The following ZFR2 variants were observed in gnomAD, a reference collection of about 807,000 sequenced individuals.
The protein encoded by ZFR2 is zinc finger RNA-binding protein 2.
ZFR2 carries 104 observed loss-of-function variants against 105.7 expected under a neutral mutation model. The observed-to-expected ratio is 0.98, with a 90% CI of 0.84 to 1.16. The LOEUF (loss-of-function observed/expected upper bound fraction) is 1.16, where lower values mean the gene tolerates loss of function less well. Ranked by LOEUF, ZFR2 falls within the 50% of genes most tolerant of loss-of-function variation. ZFR2 has a pLI of 0.00. For synonymous variants in ZFR2, 634 were observed against 597.7 expected (o/e 1.06, Z -0.89); for missense variants, 1,425 against 1,355.5 (o/e 1.05, Z -0.80).
At chr19:3,847,182 C>T (rs2038192713) in intron 1 of ZFR2, among the ~76,000 whole-genome samples, 1 of 152,186 alleles carries the variant, frequency 6.6e-6, no homozygotes, top group Non-Finnish European at 1.5e-5. Flanking sequence ...GGGCGGCACA[C>T]ACAGCAGGTG....
chr19:3,835,275 C>A (rs1412331799), intron 1 of ZFR2, among the ~76,000 whole-genome samples: 2 of 152,158 alleles, frequency 1.3e-5, no homozygotes, highest in African/African-American at 4.8e-5. Context: ...TGCAGATGAT[C>A]TACTTGTGTG....
At chr19:3,857,304 A>C (rs1386319449) in intron 1 of ZFR2, among the ~76,000 whole-genome samples, 8 of 151,964 alleles carry the variant, frequency 5.3e-5, no homozygotes, top group Admixed American at 5.3e-4. Context: ...GCAAGCAAAA[A>C]GCTCACTGCA....
At position 3,833,726 on chromosome 19, in the gene ZFR2, G is replaced by A. The variant is rs1273722561; in HGVS notation, c.317C>T (p.Pro106Leu). ...CTGGAGGGCAGCAGACTGGAAGTAC[G>A]GCCTGTCCTCATAGCTCCTGGCAGC... ...SAAARSYEDR[P>L]YFQSAALQSG... Residue 106 changes from proline (P) to leucine (L), a missense_variant, in exon 3 of 19, where the codon CCG (proline) becomes CTG (leucine). Coordinates refer to ENST00000262961, the MANE Select transcript of ZFR2 (RefSeq NM_015174.2). The A allele has an allele frequency of 4.4e-6, 7 of 1,582,966 alleles. No individual in the cohort carries two copies. Among genetic ancestry groups the A allele is most frequent in the South Asian group, 1.2e-5 (1 of 86,530 alleles).
intron 1 of ZFR2, chr19:3,852,365 C>A: frequency 1.5e-6 from 1 of 655,756 alleles, no homozygotes; most frequent in East Asian, 2.7e-5. Context: ...GGCTGGGCTT[C>A]TCTGCCCCTG....
chr19:3,808,835 C>T (rs1316239890), intron 17 of ZFR2, 37 bp downstream of exon 17: 3 of 1,496,538 alleles, frequency 2.0e-6, no homozygotes, highest in South Asian at 2.5e-5. Flanking sequence ...CTGCGATTTG[C>T]CGCCCACCTC....
intron 1 of ZFR2, among the ~76,000 whole-genome samples, chr19:3,851,294 A>T (rs2038235287): frequency 6.6e-6 from 1 of 152,186 alleles, no homozygotes; most frequent in African/African-American, 2.4e-5. Context: ...AGCTCTCAGC[A>T]GTGTAGGGCT....
intron 17 of ZFR2, 100 bp downstream of exon 17, chr19:3,808,772 T>A (rs2037730245): frequency 9.9e-7 from 1 of 1,011,838 alleles, no homozygotes; most frequent in Non-Finnish European, 1.4e-6. Flanking sequence ...GCTGGACACT[T>A]CCTCTGTGTC....
rs570148672 is a variant in ZFR2, at chr19:3,852,786, G to A, written c.53+16179C>T. Among the ~76,000 whole-genome samples the A allele has an allele frequency of 9.1e-4, 139 of 152,292 alleles. 1 individual carries two copies. The highest frequency in any genetic ancestry group is 3.4e-3 in the Middle Eastern group (1 of 294). On this transcript the variant is annotated intron_variant, in intron 1 of 18. Transcript: ENST00000262961. ...TGACTCATCCAGACACCAAAACCAAGGCAGCCCAGGGCAGTGGTTCTCAAA... is the reference window on the plus strand; with the variant it reads ...TGACTCATCCAGACACCAAAACCAAAGCAGCCCAGGGCAGTGGTTCTCAAA...
intron 1 of ZFR2, among the ~76,000 whole-genome samples, chr19:3,840,559 T>G (rs1003700897): frequency 2.6e-5 from 4 of 152,072 alleles, no homozygotes; most frequent in Admixed American, 2.6e-4. Flanking sequence ...ATATGAGGTC[T>G]TGCTCTGTCG....
chr19:3,826,718 G>A (rs1011395698), intron 6 of ZFR2, among the ~76,000 whole-genome samples: 2 of 151,780 alleles, frequency 1.3e-5, no homozygotes, highest in Admixed American at 6.6e-5. Flanking sequence ...GATTACAGGC[G>A]TGAGGCACCA....
At position 3,825,359 on chromosome 19, in the gene ZFR2, G is replaced by A. The variant is rs373158473; in HGVS notation, c.1084C>T (p.Pro362Ser). ...KLGKPIPTLE[P>S]ALATESPPGA... ...GGGGGGCTCTCTGTGGCCAGTGCAG[G>A]CTCGAGGGTGGGAATGGGCTTCCCC... Residue 362 changes from proline to serine, a missense_variant, in exon 7 of 19, where the codon CCT (proline) becomes TCT (serine). Coordinates refer to ENST00000262961, the MANE Select transcript of ZFR2 (RefSeq NM_015174.2). 2.5e-6 allele frequency: 4 copies of A among 1,591,912 alleles called. No individual in the cohort carries two copies. The highest frequency in any genetic ancestry group is 2.7e-5 in the African/African-American group (2 of 74,498).
Position 3,834,131 on chromosome 19 carries a change from G to C in ZFR2, c.265-353C>G, listed in dbSNP as rs1021563065. Among the ~76,000 whole-genome samples, 2 of 152,208 alleles carry C rather than the reference G, an allele frequency of 1.3e-5. No individual in the cohort carries two copies. The highest frequency in any genetic ancestry group is 1.3e-4 in the Admixed American group (2 of 15,276). The stretch of plus-strand genomic sequence containing the variant: ...AGAGGGGAGGAAGAGGGTGGGGTCA[G>C]GTGGGTGCTGAGCTTGAGTGACAGG... On this transcript the variant is annotated intron_variant, in intron 2 of 18. Coordinates refer to ENST00000262961, the MANE Select transcript of ZFR2 (RefSeq NM_015174.2). The surrounding 1 kb of genome is among the most constrained non-coding windows in gnomAD (Gnocchi z 5.3).
chr19:3,831,287 C>G lies in ZFR2; in HGVS notation c.852+16G>C. On this transcript the variant is annotated intron_variant, in intron 5 of 18. Transcript: ENST00000262961. The stretch of plus-strand genomic sequence containing the variant: ...AGAGGTCCCTGGGGCCTGCCCATGG[C>G]AGGAGGGCGACTGACCTGGGGGCCA... 2 of 1,503,406 alleles carry G rather than the reference C, an allele frequency of 1.3e-6. No individual in the cohort carries two copies. The highest frequency in any genetic ancestry group is 2.8e-5 in the African/African-American group (2 of 72,370). The allele number at this position is 1,503,406 out of a possible 1,614,324, so 93.1% of individuals were successfully genotyped here.
intron 1 of ZFR2, chr19:3,855,418 G>C (rs796902223): frequency 8.1e-7 from 1 of 1,231,708 alleles, no homozygotes; most frequent in South Asian, 4.1e-5. Context: ...GAAAGTGAAA[G>C]CAGTCCCGGG....
At chr19:3,832,824 G>C (rs375208459) in intron 3 of ZFR2, among the ~76,000 whole-genome samples, 16 of 151,390 alleles carry the variant, frequency 1.1e-4, no homozygotes, top group African/African-American at 3.2e-4. Flanking sequence ...TTTTTGTAGA[G>C]ACGGGGGTCT....
At chr19:3,851,156 G>A (rs1171777114) in intron 1 of ZFR2, among the ~76,000 whole-genome samples, 1 of 152,110 alleles carries the variant, frequency 6.6e-6, no homozygotes, top group Admixed American at 6.6e-5. Flanking sequence ...GGTTAGAGAG[G>A]GGAGCAGTTA....
At chr19:3,856,527 C>T (rs1349787552) in intron 1 of ZFR2, among the ~76,000 whole-genome samples, 1 of 152,088 alleles carries the variant, frequency 6.6e-6, no homozygotes, top group African/African-American at 2.4e-5. Flanking sequence ...TTCCACCACC[C>T]CAAAAAGAAA....
intron 16 of ZFR2, among the ~76,000 whole-genome samples, chr19:3,809,961 A>G (rs1034423175): frequency 6.6e-6 from 1 of 152,134 alleles, no homozygotes. Context: ...ATGATTTTAA[A>G]AAAAAGTAAA....
intron 5 of ZFR2, among the ~76,000 whole-genome samples, chr19:3,829,457 T>TGTGC (rs1229666983): frequency 4.8e-5 from 7 of 144,890 alleles, no homozygotes; most frequent in Non-Finnish European, 1.5e-5. Context: ...GGTAGGTTTG[T>TGTGC]GTGTGTGTGT....
Sources: gnomAD v4.1 joint callset for allele counts (sites outside exome capture counted in the v4.1 genomes callset) on GRCh38, gnomAD v4.1.1 for gene constraint, Gnocchi (gnomAD v3.1) non-coding constraint, MANE v1.5 for transcripts, NCBI Gene and HGNC (gene_info 2026-07-23, HGNC 2026-07-21) for gene names.